Variants in C12orf75 observed in about 807,000 individuals in gnomAD.
C12orf75 encodes the protein chromosome 12 open reading frame 75.
A neutral mutation model predicts 11.4 loss-of-function variants in C12orf75; 4 were observed. The ratio of observed to expected loss-of-function variants is 0.35; its 90% CI spans 0.17 to 0.80. The LOEUF is 0.80. Ranked by LOEUF, C12orf75 falls within the 30% of genes least tolerant of loss-of-function variation. The pLI is 0.52. For missense variants in C12orf75, 89 were observed against 80.4 expected (o/e 1.11, Z -0.41); for synonymous variants, 30 against 30.0 (o/e 1.00, Z 0.00).
intron 1 of C12orf75, among the ~76,000 whole-genome samples, chr12:105,333,525 G>GA (rs112926323): frequency 6.7e-5 from 10 of 149,762 alleles, no homozygotes; most frequent in Non-Finnish European, 1.0e-4. Context: ...AAACTTTTCA[G>GA]AAAAAAAAAA....
intron 2 of C12orf75, among the ~76,000 whole-genome samples, chr12:105,362,361 G>C (rs915766041): frequency 7.5e-6 from 1 of 132,730 alleles, no homozygotes; most frequent in African/African-American, 3.0e-5. Flanking sequence ...CTCCAGCCTG[G>C]GCGACAGAGC....
chr12:105,361,027 C>T (rs1428096164), intron 2 of C12orf75, among the ~76,000 whole-genome samples: 1 of 152,084 alleles, frequency 6.6e-6, no homozygotes, highest in Non-Finnish European at 1.5e-5. Context: ...CCGCCTGTCT[C>T]GGCCTTCCAA....
At chr12:105,360,634 AT>A (rs1274071757) in intron 2 of C12orf75, among the ~76,000 whole-genome samples, 1 of 152,194 alleles carries the variant, frequency 6.6e-6, no homozygotes, top group East Asian at 1.9e-4. Context: ...GTGTAAGAAA[AT>A]ATTGACAAGT....
At chr12:105,355,050 C>T (rs1241844520) in intron 2 of C12orf75, among the ~76,000 whole-genome samples, 2 of 151,914 alleles carry the variant, frequency 1.3e-5, no homozygotes, top group Non-Finnish European at 2.9e-5. Flanking sequence ...AGGAACTATA[C>T]TCCATGGAGC....
intron 3 of C12orf75, 56 bp downstream of exon 3, chr12:105,365,898 G>T: frequency 9.4e-7 from 1 of 1,059,070 alleles, no homozygotes; most frequent in East Asian, 2.6e-5. Context: ...ATACCTCATG[G>T]ATTTAACACA....
intron 2 of C12orf75, among the ~76,000 whole-genome samples, chr12:105,352,281 A>G (rs879265089): frequency 6.6e-6 from 1 of 152,136 alleles, no homozygotes; most frequent in Admixed American, 6.5e-5. Flanking sequence ...GGTGAATGAT[A>G]ACCAAGTCAA....
intron 1 of C12orf75, among the ~76,000 whole-genome samples, chr12:105,342,318 A>G (rs751057293): frequency 2.0e-4 from 30 of 152,096 alleles, no homozygotes; most frequent in Non-Finnish European, 3.1e-4. Flanking sequence ...TGGGCTGGTT[A>G]TTGAGAGAGT....
Position 105,366,634 on chromosome 12 carries a change from A to G in C12orf75, c.125A>G (p.Tyr42Cys). ...DDKRRNYGGVYVGLPSEAVNM... is the reference protein window; with the variant it reads ...DDKRRNYGGVCVGLPSEAVNM... ...TTATCAAGAAACTATGGAGGAGTAT[A>G]TGTTGGCCTACCATCTGAAGCTGTC... Residue 42 changes from tyrosine to cysteine, a missense_variant, in exon 4 of 6, where the codon TAT becomes TGT. By Grantham distance (194) the Tyr-to-Cys change is radical. Transcript: ENST00000443585. The G allele has an allele frequency of 6.5e-7, 1 of 1,535,346 alleles. No homozygotes were observed. Among genetic ancestry groups the G allele is most frequent in the Non-Finnish European group, 8.8e-7 (1 of 1,132,738 alleles).
intron 4 of C12orf75, among the ~76,000 whole-genome samples, chr12:105,367,081 C>T (rs1442368318): frequency 6.6e-6 from 1 of 152,154 alleles, no homozygotes; most frequent in African/African-American, 2.4e-5. Flanking sequence ...AAATAATTGC[C>T]TATTGTATAA....
At chr12:105,330,985 G>C (rs1176282998) in intron 1 of C12orf75, 48 bp downstream of exon 1, 16 of 1,113,322 alleles carry the variant, frequency 1.4e-5, no homozygotes, top group Non-Finnish European at 1.8e-5. Flanking sequence ...CGGGAGAGGC[G>C]GCGGGAAGGA....
At chr12:105,357,405 G>T (rs1418732712) in intron 2 of C12orf75, among the ~76,000 whole-genome samples, 1 of 152,026 alleles carries the variant, frequency 6.6e-6, no homozygotes, top group Non-Finnish European at 1.5e-5. Flanking sequence ...CGAGTGTCAA[G>T]CCAACTTTGA....
Position 105,370,683 on chromosome 12 carries a change from G to A in C12orf75, c.*83G>A, listed in dbSNP as rs1259391353. The stretch of plus-strand genomic sequence containing the variant: ...TTGGCTCCGTGGGACGTTGTAATGT[G>A]CACAGACATTTCCAAGGAAATTCTA... On this transcript the variant is annotated 3_prime_UTR_variant, in exon 6 of 6. Coordinates refer to ENST00000443585, the MANE Select transcript of C12orf75 (RefSeq NM_001145199.2). The A allele has an allele frequency of 4.4e-6, 2 of 457,438 alleles. No individual in the cohort carries two copies. Among genetic ancestry groups the A allele is most frequent in the Non-Finnish European group, 8.8e-6 (2 of 226,808 alleles). The allele number at this position is 457,438 out of a possible 1,614,324, so 28.3% of individuals were successfully genotyped here. A position where few individuals can be genotyped will look rare whatever the true frequency, so the allele number is the denominator to read the frequency against.
intron 1 of C12orf75, among the ~76,000 whole-genome samples, chr12:105,338,837 C>G (rs1375184957): frequency 6.6e-6 from 1 of 152,126 alleles, no homozygotes; most frequent in African/African-American, 2.4e-5. Flanking sequence ...GGATCTGCCC[C>G]TATGGCCCAA....
intron 5 of C12orf75, among the ~76,000 whole-genome samples, chr12:105,369,793 G>C (rs1049816641): frequency 6.6e-6 from 1 of 152,168 alleles, no homozygotes; most frequent in Admixed American, 6.5e-5. Flanking sequence ...TAAGTTGATA[G>C]GCTGCCCATT....
chr12:105,366,546 T>G, intron 3 of C12orf75, 71 bp from the exon 4 acceptor site: 2 of 663,618 alleles, frequency 3.0e-6, no homozygotes, highest in Non-Finnish European at 5.2e-6. Context: ...TTGTTTGGAG[T>G]ACTCCGTGCT....
intron 2 of C12orf75, among the ~76,000 whole-genome samples, chr12:105,364,191 A>C (rs1592885470): frequency 6.6e-6 from 1 of 152,246 alleles, no homozygotes; most frequent in Non-Finnish European, 1.5e-5. Context: ...ACCTTGAACG[A>C]GTTTGTCCTC....
intron 2 of C12orf75, among the ~76,000 whole-genome samples, chr12:105,354,590 T>G (rs1195508941): frequency 2.0e-5 from 3 of 152,170 alleles, no homozygotes; most frequent in Non-Finnish European, 2.9e-5. Context: ...GAATTATTAG[T>G]TAGTTTAAAA....
At chr12:105,355,168 CTTTTTCTTTTTCT>C (rs1033040333) in intron 2 of C12orf75, among the ~76,000 whole-genome samples, 1 of 74,226 alleles carries the variant, frequency 1.3e-5, no homozygotes, top group African/African-American at 4.6e-5. Flanking sequence ...ATTTCTTTTT[CTTTTTCTTTTTCT>C]TTTTTTTTTT....
At chr12:105,361,186 A>T (rs1892861032) in intron 2 of C12orf75, among the ~76,000 whole-genome samples, 1 of 152,060 alleles carries the variant, frequency 6.6e-6, no homozygotes, top group South Asian at 2.1e-4. Context: ...ACACCACCAC[A>T]CCTGGCTACT....
Sources: allele counts gnomAD v4.1 joint callset (sites outside exome capture counted in the v4.1 genomes callset), GRCh38; gene constraint gnomAD v4.1.1; transcripts MANE v1.5; gene names NCBI Gene and HGNC (gene_info 2026-07-23, HGNC 2026-07-21).